The following ZNF251 variants were observed in gnomAD, a reference collection of about 807,000 sequenced individuals.
The protein encoded by ZNF251 is zinc finger protein 251.
A neutral mutation model predicts 13.5 loss-of-function variants in ZNF251; 14 were observed. The ratio of observed to expected loss-of-function variants is 1.04; its 90% CI spans 0.69 to 1.63. The LOEUF (loss-of-function observed/expected upper bound fraction) is 1.63. Among genes scored for constraint, ZNF251 ranks in the 40% most tolerant of loss-of-function variants. The probability of loss-of-function intolerance (pLI) is 0.00; values close to 1 mark genes in which losing one functional copy is unlikely to be tolerated. For missense variants in ZNF251, 764 were observed against 834.9 expected, an observed-to-expected ratio of 0.92 and a Z score of 1.05; for synonymous variants, 287 against 295.2, an observed-to-expected ratio of 0.97 and a Z score of 0.28.
chr8:144,730,603 C>T (rs1375956070), intron 4 of ZNF251, among the ~76,000 whole-genome samples: 1 of 151,988 alleles, frequency 6.6e-6, no homozygotes, highest in Non-Finnish European at 1.5e-5. Context: ...CGGGGCGTCC[C>T]GGGGCAGGGC....
intron 4 of ZNF251, among the ~76,000 whole-genome samples, chr8:144,739,865 A>T: frequency 6.6e-6 from 1 of 151,866 alleles, no homozygotes; most frequent in South Asian, 2.1e-4. Flanking sequence ...ACTGCACTCC[A>T]GCCTTGGTGA....
intron 4 of ZNF251, among the ~76,000 whole-genome samples, chr8:144,737,940 G>A (rs1823980037): frequency 6.6e-6 from 1 of 151,872 alleles, no homozygotes; most frequent in Non-Finnish European, 1.5e-5. Context: ...TGGTCAGGGT[G>A]CAGCAGATCC....
intron 4 of ZNF251, chr8:144,730,101 C>T: frequency 1.0e-6 from 1 of 985,460 alleles, no homozygotes; most frequent in Non-Finnish European, 1.2e-6. Context: ...TCGTACATCA[C>T]CAGAGTCGGC....
Position 144,734,207 on chromosome 8 carries a change from G to A in ZNF251, c.278-10825C>T, listed in dbSNP as rs1167182237. Among the ~76,000 whole-genome samples, 3 of 152,210 alleles carry A rather than the reference G, an allele frequency of 2.0e-5. No homozygotes were observed. Among genetic ancestry groups the A allele is most frequent in the Admixed American group, 2.0e-4 (3 of 15,278 alleles). Reference sequence around the variant, plus strand: ...GCTGAGCCGAGCGGAGCTCCTGGCTGTAAGGACACCTCCCGTGGCGTTCAC... The same window carrying A: ...GCTGAGCCGAGCGGAGCTCCTGGCTATAAGGACACCTCCCGTGGCGTTCAC... On this transcript the variant is annotated intron_variant, in intron 4 of 4. Transcript: ENST00000292562. This position sits in a 1 kb window ranked among gnomAD's most constrained non-coding sequence, Gnocchi z 4.4.
rs369002648 is a variant in ZNF251 at position 144,734,390 on chromosome 8, C to T, written c.278-11008G>A. Among the ~76,000 whole-genome samples, 61 of 152,348 alleles carry T rather than the reference C, an allele frequency of 4.0e-4. No homozygotes were observed. The highest frequency in any genetic ancestry group is 1.0e-3 in the African/African-American group (42 of 41,594). ...TCTAATCCCTGGCACAAACCGGCTA[C>T]GATTGGTGGGCAAAAGCAAATGCCC... On this transcript the variant is annotated intron_variant, in intron 4 of 4. Coordinates refer to ENST00000292562, the MANE Select transcript of ZNF251 (RefSeq NM_138367.2). The surrounding 1 kb of genome is among the most constrained non-coding windows in gnomAD (Gnocchi z 4.4).
intron 4 of ZNF251, among the ~76,000 whole-genome samples, chr8:144,725,354 G>A (rs745646949): frequency 2.6e-5 from 4 of 151,330 alleles, no homozygotes; most frequent in Middle Eastern, 3.2e-3. Flanking sequence ...ACAGTGTTGT[G>A]ATCACAGCTC....
At chr8:144,744,649 T>C (rs1408634284) in intron 4 of ZNF251, among the ~76,000 whole-genome samples, 17 of 152,296 alleles carry the variant, frequency 1.1e-4, no homozygotes, top group Admixed American at 1.1e-3. Flanking sequence ...ACTTTCTCTC[T>C]CCACCATGTG....
At position 144,754,784 on chromosome 8, in the gene ZNF251, TGA is replaced by T. The variant is rs1274713640; in HGVS notation, c.-58_-57del. The T allele has an allele frequency of 6.3e-7, 1 of 1,595,158 alleles. No individual in the cohort carries two copies. Among genetic ancestry groups the T allele is most frequent in the African/African-American group, 1.3e-5 (1 of 74,600 alleles). ...GAGAAGACAGGAGACTGCCCTGGCCTGAAGTCTCCCCGAACTTACCTTCAGTG... is the reference window on the plus strand; with the variant it reads ...GAGAAGACAGGAGACTGCCCTGGCCTAGTCTCCCCGAACTTACCTTCAGTG... On this transcript the variant is annotated 5_prime_UTR_variant, in exon 2 of 5. Coordinates refer to ENST00000292562, the MANE Select transcript of ZNF251 (RefSeq NM_138367.2).
At chr8:144,729,258 C>G (rs1337983901) in intron 4 of ZNF251, among the ~76,000 whole-genome samples, 2 of 151,910 alleles carry the variant, frequency 1.3e-5, no homozygotes, top group Non-Finnish European at 2.9e-5. Context: ...AAAACGAAAA[C>G]AAAATTTTAT....
chr8:144,742,029 G>A (rs1045588197), intron 4 of ZNF251, among the ~76,000 whole-genome samples: 1 of 151,970 alleles, frequency 6.6e-6, no homozygotes, highest in Non-Finnish European at 1.5e-5. Flanking sequence ...CCAAGAGGCC[G>A]GTGCTGCAGT....
intron 4 of ZNF251, among the ~76,000 whole-genome samples, chr8:144,727,433 C>T (rs1015283943): frequency 6.6e-6 from 1 of 152,182 alleles, no homozygotes; most frequent in African/African-American, 2.4e-5. Flanking sequence ...TTCAGTGTAG[C>T]CACCTTCATC....
At chr8:144,737,431 C>T (rs1823943266) in intron 4 of ZNF251, among the ~76,000 whole-genome samples, 2 of 151,822 alleles carry the variant, frequency 1.3e-5, no homozygotes, top group South Asian at 4.2e-4. Flanking sequence ...GGTGTGAACC[C>T]GGGAGGTGGA....
intron 4 of ZNF251, among the ~76,000 whole-genome samples, chr8:144,742,071 G>C (rs1034595161): frequency 6.6e-6 from 1 of 152,152 alleles, no homozygotes; most frequent in South Asian, 2.1e-4. Context: ...GAACCGAAAC[G>C]ACAGGCAGCT....
chr8:144,729,939 G>T, intron 4 of ZNF251: 1 of 576,080 alleles, frequency 1.7e-6, no homozygotes, highest in Non-Finnish European at 2.2e-6. Flanking sequence ...CTCAGATAAA[G>T]ATGTTCAATT....
Position 144,721,604 on chromosome 8 carries a change from C to T in ZNF251, c.*40G>A. On this transcript the variant is annotated 3_prime_UTR_variant, in exon 5 of 5. Coordinates refer to ENST00000292562, the MANE Select transcript of ZNF251 (RefSeq NM_138367.2). ...ATTATGCCATCTTATCTTCTAATGT[C>T]AAGTGAACAGTTGCTAAACTGTCTT... 1.5e-6 allele frequency: 2 copies of T among 1,312,968 alleles called. No individual in the cohort carries two copies. The highest frequency in any genetic ancestry group is 2.0e-6 in the Non-Finnish European group (2 of 1,020,984). The allele number at this position is 1,312,968 out of a possible 1,614,324, so 81.3% of individuals were successfully genotyped here.
chr8:144,722,736 AAG>A lies in ZNF251; in HGVS notation c.922_923del (p.Leu308TyrfsTer16), dbSNP rs1823407938. On this transcript the variant is annotated frameshift_variant, in exon 5 of 5. Coordinates refer to ENST00000292562, the MANE Select transcript of ZNF251 (RefSeq NM_138367.2). LOFTEE classifies it low-confidence loss of function (END_TRUNC). The surrounding 1 kb of genome is among the most constrained non-coding windows in gnomAD (Gnocchi z 4.8). ...CTGTGTGAATGATCCGATGTTGAAT[AAG>A]AGTTGAGCTTCGACTGAAAGCCTTC... is the stretch of plus-strand genomic sequence containing the variant. ...CGKAFSRSST[L>X]IQHRIIHTGE... is the part of the protein sequence containing the mutation. The A allele has an allele frequency of 1.2e-6, 2 of 1,614,040 alleles. No homozygotes were observed. The highest frequency in any genetic ancestry group is 4.5e-5 in the East Asian group (2 of 44,866).
rs555965643 is a variant in ZNF251 at position 144,734,720 on chromosome 8, C to T, written c.278-11338G>A. 5.3e-5 allele frequency among the ~76,000 whole-genome samples: 8 copies of T among 152,300 alleles called. No homozygotes were observed. In the South Asian group the frequency reaches 1.5e-3, roughly 28 times the overall value. ...TCTCAAAGGTCAAAATCACAGGAGA[C>T]GGGCGAATTAGAACTGGAGACCAAA... On this transcript the variant is annotated intron_variant, in intron 4 of 4. Coordinates refer to ENST00000292562, the MANE Select transcript of ZNF251 (RefSeq NM_138367.2). This position sits in a 1 kb window ranked among gnomAD's most constrained non-coding sequence, Gnocchi z 4.4.
chr8:144,733,716 C>T (rs1443249687), intron 4 of ZNF251, among the ~76,000 whole-genome samples: 1 of 152,198 alleles, frequency 6.6e-6, no homozygotes, highest in South Asian at 2.1e-4. Context: ...CTCCTCGCGC[C>T]GACCTCCATG....
chr8:144,741,856 T>C (rs534862615), intron 4 of ZNF251, among the ~76,000 whole-genome samples: 1 of 152,288 alleles, frequency 6.6e-6, no homozygotes, highest in South Asian at 2.1e-4. Flanking sequence ...ACAAATCTGT[T>C]AGATAATTCA....
Sources: gnomAD v4.1 joint callset for allele counts (sites outside exome capture counted in the v4.1 genomes callset) on GRCh38, gnomAD v4.1.1 for gene constraint, Gnocchi (gnomAD v3.1) non-coding constraint, MANE v1.5 for transcripts, NCBI Gene and HGNC (gene_info 2026-07-23, HGNC 2026-07-21) for gene names.